The following SHANK2 variants were observed in gnomAD, a reference collection of about 807,000 sequenced individuals.
SHANK2 encodes SH3 and multiple ankyrin repeat domains protein 2.
In SHANK2, 43 loss-of-function variants were observed where a neutral mutation model predicts 133.7. The observed-to-expected ratio is 0.32, with a 90% CI of 0.25 to 0.41. The LOEUF is 0.41. Ranked by LOEUF, SHANK2 falls within the 10% of genes least tolerant of loss-of-function variation. The pLI, the probability that SHANK2 is intolerant of heterozygous loss-of-function variation, is 1.00. For synonymous variants in SHANK2, 1,017 were observed against 952.8 expected, an observed-to-expected ratio of 1.07 and a Z score of -1.24; for missense variants, 1,994 against 2,235.8, an observed-to-expected ratio of 0.89 and a Z score of 2.18.
chr11:70,712,883 T>C (rs1227573278), intron 14 of SHANK2, among the ~76,000 whole-genome samples: 4 of 152,218 alleles, frequency 2.6e-5, no homozygotes, highest in Non-Finnish European at 5.9e-5. Flanking sequence ...CCCGAGTCCA[T>C]AGTTCCACTT....
At chr11:70,839,560 C>T (rs1261307075) in intron 11 of SHANK2, among the ~76,000 whole-genome samples, 1 of 152,210 alleles carries the variant, frequency 6.6e-6, no homozygotes, top group African/African-American at 2.4e-5. Context: ...GGCTCCTGGA[C>T]CTGGACTTCC....
chr11:71,199,875 G>C (rs1591013104), intron 2 of SHANK2, among the ~76,000 whole-genome samples: 1 of 152,190 alleles, frequency 6.6e-6, no homozygotes, highest in African/African-American at 2.4e-5. Context: ...CAAAATGCCA[G>C]GCAGGAATCC....
chr11:70,890,740 A>G (rs7394557), intron 11 of SHANK2, among the ~76,000 whole-genome samples: 135,283 of 149,168 alleles, frequency 0.91, 62,123 homozygotes, highest in Non-Finnish European at 0.98. Context: ...CAGAGGCTGC[A>G]GTGAGCCAAG....
At chr11:71,117,030 G>A (rs1386242888) in intron 4 of SHANK2, among the ~76,000 whole-genome samples, 8 of 152,100 alleles carry the variant, frequency 5.3e-5, no homozygotes, top group Non-Finnish European at 8.8e-5. Context: ...TTTTGTTGTT[G>A]TTGTTTTAGA....
intron 14 of SHANK2, among the ~76,000 whole-genome samples, chr11:70,722,509 G>GT (rs1946093509): frequency 1.3e-5 from 2 of 152,290 alleles, no homozygotes; most frequent in African/African-American, 2.4e-5. Context: ...ATAGGCGATT[G>GT]TTTTTTCTGA....
intron 17 of SHANK2, among the ~76,000 whole-genome samples, chr11:70,618,116 T>G (rs1157055533): frequency 2.0e-5 from 3 of 151,948 alleles, no homozygotes; most frequent in African/African-American, 7.2e-5. Context: ...GGCAACATGG[T>G]GAAACCCCGT....
chr11:70,513,172 T>C (rs2059224404), intron 17 of SHANK2, among the ~76,000 whole-genome samples: 1 of 152,088 alleles, frequency 6.6e-6, no homozygotes, highest in East Asian at 1.9e-4. Context: ...TGTTTTTTTT[T>C]TTTAAATCCA....
Position 70,690,488 on chromosome 11 carries a change from G to GTTTTTTTTTTTTTT in SHANK2, c.1853+8186_1853+8199dup, listed in dbSNP as rs35737323. 3.9e-3 allele frequency among the ~76,000 whole-genome samples: 127 copies of GTTTTTTTTTTTTTT among 32,820 alleles called. 22 individuals carry two copies. The highest frequency in any genetic ancestry group is 0.016 in the East Asian group (13 of 790). 21.5% of individuals were successfully genotyped at this position (32,820 alleles called of 152,430 possible). On this transcript the variant is annotated intron_variant, in intron 15 of 25. Transcript: ENST00000601538. ...ATCATCATAATGTAATACTTCCCAT[G>GTTTTTTTTTTTTTT]TTTTTTTTTTTTTTTTTTTTTTTTT...
chr11:70,764,775 T>C (rs1042385541), intron 14 of SHANK2, among the ~76,000 whole-genome samples: 2 of 150,478 alleles, frequency 1.3e-5, no homozygotes, highest in Non-Finnish European at 3.0e-5. Flanking sequence ...CACTCACACA[T>C]CCATCCATCC....
chr11:71,117,098 C>A (rs1951993425), intron 4 of SHANK2, among the ~76,000 whole-genome samples: 1 of 152,186 alleles, frequency 6.6e-6, no homozygotes, highest in Admixed American at 6.5e-5. Flanking sequence ...TGGCTCACTG[C>A]AACCTCCACC....
At chr11:70,640,896 G>A (rs950591038) in intron 17 of SHANK2, among the ~76,000 whole-genome samples, 2 of 152,164 alleles carry the variant, frequency 1.3e-5, no homozygotes, top group African/African-American at 4.8e-5. Context: ...TGCAGGCAAT[G>A]AGCGTCTACA....
intron 14 of SHANK2, among the ~76,000 whole-genome samples, chr11:70,766,302 T>C (rs1428713282): frequency 6.6e-6 from 1 of 152,244 alleles, no homozygotes; most frequent in Non-Finnish European, 1.5e-5. Flanking sequence ...ACTGCTGCCC[T>C]CTGTCTTCTT....
chr11:70,875,006 T>C (rs1949534533), intron 11 of SHANK2, among the ~76,000 whole-genome samples: 1 of 152,200 alleles, frequency 6.6e-6, no homozygotes, highest in Non-Finnish European at 1.5e-5. Flanking sequence ...ATACAGAATA[T>C]GGTATTCACT....
chr11:70,584,540 C>T (rs557866616), intron 17 of SHANK2, among the ~76,000 whole-genome samples: 1 of 152,230 alleles, frequency 6.6e-6, no homozygotes, highest in African/African-American at 2.4e-5. Context: ...GGCTGGGTAC[C>T]GGACAGCCAG....
intron 2 of SHANK2, among the ~76,000 whole-genome samples, chr11:71,150,297 G>T (rs1480870757): frequency 1.3e-5 from 1 of 78,104 alleles, no homozygotes; most frequent in African/African-American, 5.4e-5. Context: ...GAGGGAGGGA[G>T]AAGGAAGAGG....
In SHANK2 at chr11:71,073,992, T is replaced by A. The variant is rs931134049; in HGVS notation, c.1029+1167A>T. Among the ~76,000 whole-genome samples, 93 of 152,246 alleles carry A rather than the reference T, an allele frequency of 6.1e-4. 1 individual carries two copies. The highest frequency in any genetic ancestry group is 2.0e-3 in the African/African-American group (82 of 41,534). ...ACAAGAGAGCCCGGCTCCTCACGCA[T>A]CTTATGGAGCATGGACAGCATGGAG... On this transcript the variant is annotated intron_variant, in intron 9 of 25. Coordinates refer to ENST00000601538, the MANE Select transcript of SHANK2 (RefSeq NM_012309.5).
chr11:70,833,266 G>A (rs868963493), intron 11 of SHANK2, among the ~76,000 whole-genome samples: 5 of 150,240 alleles, frequency 3.3e-5, no homozygotes, highest in African/African-American at 1.3e-4. Context: ...GTGGCTAGAC[G>A]CCCCGACTGG....
rs1555058245 is a variant in SHANK2, at chr11:70,830,933, C to A, written c.1175-10251G>T. On this transcript the variant is annotated intron_variant, in intron 11 of 25. Transcript: ENST00000601538. This position sits in a 1 kb window ranked among gnomAD's most constrained non-coding sequence, Gnocchi z 4.4. ...TGGCTGAGCACTCCCTTCCTTCTGCCTTTAGACCCACTGTTCCTATAGGGG... is the reference window on the plus strand; with the variant it reads ...TGGCTGAGCACTCCCTTCCTTCTGCATTTAGACCCACTGTTCCTATAGGGG... 6.6e-6 allele frequency among the ~76,000 whole-genome samples: 1 copy of A among 152,190 alleles called. No individual in the cohort carries two copies. The highest frequency in any genetic ancestry group is 2.4e-5 in the African/African-American group (1 of 41,452).
chr11:70,742,290 G>A (rs570007128), intron 14 of SHANK2, among the ~76,000 whole-genome samples: 5 of 152,146 alleles, frequency 3.3e-5, no homozygotes, highest in East Asian at 1.9e-4. Flanking sequence ...GGACTGTTGC[G>A]CACTCTGGGA....
Sources: allele counts gnomAD v4.1 joint callset (sites outside exome capture counted in the v4.1 genomes callset), GRCh38; gene constraint gnomAD v4.1.1; non-coding constraint Gnocchi (gnomAD v3.1); transcripts MANE v1.5; gene names NCBI Gene and HGNC (gene_info 2026-07-23, HGNC 2026-07-21).